MCOLN1: variants seen among roughly 807,000 people sequenced by gnomAD.
MCOLN1 encodes mucolipin TRP cation channel 1, also known as mucolipin-1.
Under a neutral mutation model 70.3 loss-of-function variants are expected in MCOLN1, and 50 were observed. That is an observed-to-expected ratio of 0.71 (90% confidence interval 0.57 to 0.90). The LOEUF is 0.90. Ranked by LOEUF, MCOLN1 falls within the 40% of genes least tolerant of loss-of-function variation. The pLI is 0.00. For missense variants in MCOLN1, 598 were observed against 803.5 expected (o/e 0.74, Z 3.09); for synonymous variants, 366 against 341.0 (o/e 1.07, Z -0.81).
At chr19:7,530,600 C>T (rs2146026285) in intron 12 of MCOLN1, 99 bp downstream of exon 12, 1 of 1,153,698 alleles carries the variant, frequency 8.7e-7, no homozygotes, top group Non-Finnish European at 1.3e-6. Context: ...AGAGAAGACC[C>T]AGGAGAGAAT....
chr19:7,527,570 G>C lies in MCOLN1; in HGVS notation c.622G>C (p.Asp208His), dbSNP rs377681899. 1.2e-6 allele frequency: 2 copies of C among 1,612,554 alleles called. No individual in the cohort carries two copies. The highest frequency in any genetic ancestry group is 8.5e-7 in the Non-Finnish European group (1 of 1,178,644). ...PERPPPPPSD[D>H]LTLLESSSSY... ...GCGGCCCCCTCCGCCCCCCAGCGAC[G>C]ATCTCACCCTCTTGGAAAGCAGCTC... The change falls in exon 5 of 14, where the codon GAT becomes CAT. Residue 208 changes from aspartate (D) to histidine (H), a missense_variant. Physicochemically the swap from Asp to His is moderately conservative, Grantham distance 81. Around this residue, in one of 3 missense-constraint regions of MCOLN1, gnomAD observed 461 missense variants for 588.4 expected, o/e 0.78. Transcript: ENST00000264079.
At chr19:7,533,681 G>T in intron 13 of MCOLN1, 28 bp downstream of exon 13, 1 of 1,614,140 alleles carries the variant, frequency 6.2e-7, no homozygotes, top group Non-Finnish European at 8.5e-7. Flanking sequence ...GGCACATTCA[G>T]ATTGGAGGTT....
chr19:7,532,959 G>T (rs2022680983), intron 12 of MCOLN1, among the ~76,000 whole-genome samples: 1 of 152,202 alleles, frequency 6.6e-6, no homozygotes, highest in Admixed American at 6.5e-5. Flanking sequence ...AAAAAACTTG[G>T]AGAAAAGATG....
chr19:7,527,056 C>T, intron 4 of MCOLN1, 130 bp downstream of exon 4: 1 of 1,248,480 alleles, frequency 8.0e-7, no homozygotes, highest in Non-Finnish European at 1.1e-6. Context: ...GGAAGGATTG[C>T]TTGAGGCCAG....
In MCOLN1 at chr19:7,533,884, A is replaced by G. The variant is rs756530267; in HGVS notation, c.*89A>G. ...TTATTTATTTGTAGGGTTTGCTTTTAAGGATCGGCTCCCTGTCGCGCCCGA... is the reference window on the plus strand; with the variant it reads ...TTATTTATTTGTAGGGTTTGCTTTTGAGGATCGGCTCCCTGTCGCGCCCGA... On this transcript the variant is annotated 3_prime_UTR_variant, in exon 14 of 14. Coordinates refer to ENST00000264079, the MANE Select transcript of MCOLN1 (RefSeq NM_020533.3). 6.5e-7 allele frequency: 1 copy of G among 1,538,730 alleles called. No individual in the cohort carries two copies. Among genetic ancestry groups the G allele is most frequent in the Non-Finnish European group, 8.9e-7 (1 of 1,123,916 alleles).
At chr19:7,532,393 C>T (rs151333864) in intron 12 of MCOLN1, among the ~76,000 whole-genome samples, 125 of 151,994 alleles carry the variant, frequency 8.2e-4, no homozygotes, top group Non-Finnish European at 1.5e-3. Context: ...GTCTCTAGCC[C>T]TATGCAGCTA....
In MCOLN1 at chr19:7,530,498, C is replaced by T. The variant is rs2146026201; in HGVS notation, c.1572C>T (p.Ile524=). The change falls in exon 12 of 14, where the codon ATC becomes ATT. Residue 524 remains isoleucine, a synonymous_variant. Coordinates refer to ENST00000264079, the MANE Select transcript of MCOLN1 (RefSeq NM_020533.3). ...IALITGAYDT[I]KHPGGAGAEE... ...TCATCACCGGCGCCTACGACACCAT[C>T]AAGGTCAGCCGCATGCACCCAGCCC... 6.2e-7 allele frequency: 1 copy of T among 1,608,638 alleles called. No homozygotes were observed.
chr19:7,526,990 T>C lies in MCOLN1; in HGVS notation c.571+64T>C. On this transcript the variant is annotated intron_variant, in intron 4 of 13. Coordinates refer to ENST00000264079, the MANE Select transcript of MCOLN1 (RefSeq NM_020533.3). The surrounding 1 kb of genome is among the most constrained non-coding windows in gnomAD (Gnocchi z 4.6). ...AGCTGCTGGGATTAAAATCAACAGC[T>C]GTGGCTGGGCACGGTGGCTCACGCC... The C allele has an allele frequency of 6.2e-7, 1 of 1,603,790 alleles. No individual in the cohort carries two copies. The highest frequency in any genetic ancestry group is 1.1e-5 in the South Asian group (1 of 90,760).
intron 4 of MCOLN1, 120 bp from the exon 5 acceptor site, chr19:7,527,400 A>G: frequency 4.1e-6 from 3 of 734,966 alleles, no homozygotes; most frequent in South Asian, 2.9e-5. Flanking sequence ...AGAGAGTGCC[A>G]GGCCTGTAGG....
chr19:7,531,035 C>T (rs2022647415), intron 12 of MCOLN1, among the ~76,000 whole-genome samples: 1 of 152,104 alleles, frequency 6.6e-6, no homozygotes, highest in African/African-American at 2.4e-5. Flanking sequence ...CCACCACGCC[C>T]GGCCTATTTT....
rs373016102 is a variant in MCOLN1, at chr19:7,524,879, C to T, written c.32-82C>T. ...GGAGCATGGGGACATGAAGATAGGG[C>T]GTGTGCTGCCTTCCTGGTTGGAGAA... On this transcript the variant is annotated intron_variant, in intron 1 of 13. Coordinates refer to ENST00000264079, the MANE Select transcript of MCOLN1 (RefSeq NM_020533.3). The surrounding 1 kb of genome is among the most constrained non-coding windows in gnomAD (Gnocchi z 4.1). 252 of 1,114,244 alleles carry T rather than the reference C, an allele frequency of 2.3e-4. No individual in the cohort carries two copies. The African/African-American group carries it at 3.3e-3, about 14-fold the overall frequency. 69.0% of individuals were successfully genotyped at this position (1,114,244 alleles called of 1,614,324 possible). A position where few individuals can be genotyped will look rare whatever the true frequency, so the allele number is the denominator to read the frequency against.
chr19:7,527,497 C>T (rs760572954), intron 4 of MCOLN1, 23 bp from the exon 5 acceptor site: 7 of 1,124,006 alleles, frequency 6.2e-6, no homozygotes, highest in Admixed American at 3.4e-5. Flanking sequence ...CCCTGAGGCC[C>T]TTCCCTGACT....
chr19:7,533,259 C>T, intron 12 of MCOLN1: 1 of 580,230 alleles, frequency 1.7e-6, no homozygotes, highest in Non-Finnish European at 3.1e-6. Context: ...CATGTCAGCC[C>T]TGGCTCTAGG....
chr19:7,525,036 C>T lies in MCOLN1; in HGVS notation c.107C>T (p.Pro36Leu), dbSNP rs1243365768. 1 of 1,614,002 alleles carries T rather than the reference C, an allele frequency of 6.2e-7. No individual in the cohort carries two copies. The highest frequency in any genetic ancestry group is 8.5e-7 in the Non-Finnish European group (1 of 1,180,044). Reference sequence around the variant, plus strand: ...CCTTCACCGGCCCCTCCGACACCCCCAGAAGAGGAAGACCTTCGCCGTCGT... The same window carrying T: ...CCTTCACCGGCCCCTCCGACACCCCTAGAAGAGGAAGACCTTCGCCGTCGT... The part of the protein sequence containing the change: ...AGPSPAPPTP[P>L]EEEDLRRRLK... Residue 36 changes from proline to leucine, a missense_variant, in exon 2 of 14, where the codon CCA becomes CTA. Pro to Leu is a moderately conservative substitution (Grantham distance 98). Around this residue, in one of 3 missense-constraint regions of MCOLN1, gnomAD observed 461 missense variants for 588.4 expected, o/e 0.78. Transcript: ENST00000264079. This position sits in a 1 kb window ranked among gnomAD's most constrained non-coding sequence, Gnocchi z 4.2.
At position 7,528,987 on chromosome 19, in the gene MCOLN1, C is replaced by T. The variant is rs894180446; in HGVS notation, c.1134+17C>T. On this transcript the variant is annotated intron_variant, in intron 9 of 13. Coordinates refer to ENST00000264079, the MANE Select transcript of MCOLN1 (RefSeq NM_020533.3). This position sits in a 1 kb window ranked among gnomAD's most constrained non-coding sequence, Gnocchi z 4.2. Reference sequence around the variant, plus strand: ...GAGGCCAAGGTGCGTCCTGCCAACACCCTGGGCCCCAGGTCCCATCCCTGC... The same window carrying T: ...GAGGCCAAGGTGCGTCCTGCCAACATCCTGGGCCCCAGGTCCCATCCCTGC... 1.2e-6 allele frequency: 2 copies of T among 1,613,960 alleles called. No homozygotes were observed. The highest frequency in any genetic ancestry group is 1.3e-5 in the African/African-American group (1 of 74,920).
At position 7,528,850 on chromosome 19, in the gene MCOLN1, G is replaced by T. The variant is rs2022611771; in HGVS notation, c.1014G>T (p.Arg338=). Reference sequence around the variant, plus strand: ...TTGTGGGGTTCATGTGGCGGCAGCGGGGACGGGTCATCAGCCTGTGGGAGC... The same window carrying T: ...TTGTGGGGTTCATGTGGCGGCAGCGTGGACGGGTCATCAGCCTGTGGGAGC... ...NEFVGFMWRQ[R]GRVISLWERL... is the part of the protein sequence containing the mutation. Residue 338 remains arginine (R), a synonymous_variant, in exon 9 of 14, where the codon CGG becomes CGT. Coordinates refer to ENST00000264079, the MANE Select transcript of MCOLN1 (RefSeq NM_020533.3). This position sits in a 1 kb window ranked among gnomAD's most constrained non-coding sequence, Gnocchi z 4.2. 1.9e-6 allele frequency: 3 copies of T among 1,614,236 alleles called. No homozygotes were observed. Among genetic ancestry groups the T allele is most frequent in the Admixed American group, 3.3e-5 (2 of 60,028 alleles).
chr19:7,526,577 T>G lies in MCOLN1; in HGVS notation c.376T>G (p.Tyr126Asp). ...TFAAYTREQLYQAIFHAVDQY... is the reference protein window; with the variant it reads ...TFAAYTREQLDQAIFHAVDQY... ...CGCAGCCTACACGCGGGAGCAGCTG[T>G]ACCAGGCCATCTTCCATGCTGTGGA... Residue 126 changes from tyrosine to aspartate, a missense_variant, in exon 3 of 14, where the codon TAC becomes GAC. Tyr to Asp is a radical substitution (Grantham distance 160). Around this residue, in one of 3 missense-constraint regions of MCOLN1, gnomAD observed 461 missense variants for 588.4 expected, o/e 0.78. Coordinates refer to ENST00000264079, the MANE Select transcript of MCOLN1 (RefSeq NM_020533.3). This position sits in a 1 kb window ranked among gnomAD's most constrained non-coding sequence, Gnocchi z 4.6. The G allele has an allele frequency of 1.2e-6, 2 of 1,613,582 alleles. No individual in the cohort carries two copies. Among genetic ancestry groups the G allele is most frequent in the Non-Finnish European group, 1.7e-6 (2 of 1,180,000 alleles).
At position 7,522,724 on chromosome 19, in the gene MCOLN1, G is replaced by A; in HGVS notation, c.-27G>A. On this transcript the variant is annotated 5_prime_UTR_variant, in exon 1 of 14. Coordinates refer to ENST00000264079, the MANE Select transcript of MCOLN1 (RefSeq NM_020533.3). The stretch of plus-strand genomic sequence containing the variant: ...GGACCCAGGCTGCCCCGCCGTACCC[G>A]CCTGCGTCCCGCGCTCCCGCCCCAG... 6.9e-7 allele frequency: 1 copy of A among 1,454,234 alleles called. No individual in the cohort carries two copies. The allele number at this position is 1,454,234 out of a possible 1,614,324, so 90.1% of individuals were successfully genotyped here.
At chr19:7,527,303 G>T in intron 4 of MCOLN1, 9 of 527,962 alleles carry the variant, frequency 1.7e-5, no homozygotes, top group Admixed American at 6.4e-5. Context: ...AAACAAGTAT[G>T]CTTAGTGTGA....
Sources: allele counts gnomAD v4.1 joint callset (sites outside exome capture counted in the v4.1 genomes callset), GRCh38; gene constraint gnomAD v4.1.1; regional missense constraint gnomAD v4.1.1; non-coding constraint Gnocchi (gnomAD v3.1); transcripts MANE v1.5; gene names NCBI Gene and HGNC (gene_info 2026-07-23, HGNC 2026-07-21).